The following SMAP1 variants were observed in gnomAD, a reference collection of about 807,000 sequenced individuals.
SMAP1 encodes the protein stromal membrane-associated protein 1.
Under a neutral mutation model 58.5 loss-of-function variants are expected in SMAP1, and 24 were observed. The ratio of observed to expected loss-of-function variants is 0.41; its 90% confidence interval spans 0.30 to 0.58. The LOEUF is 0.58. Among genes scored for constraint, SMAP1 ranks in the 20% least tolerant of loss-of-function variants. The pLI, the probability that SMAP1 is intolerant of heterozygous loss-of-function variation, is 0.29. For missense variants in SMAP1, 563 were observed against 566.3 expected, an observed-to-expected ratio of 0.99 and a Z score of 0.06; for synonymous variants, 216 against 196.6, an observed-to-expected ratio of 1.10 and a Z score of -0.82.
chr6:70,684,285 TGA>T (rs1766844608), intron 1 of SMAP1, among the ~76,000 whole-genome samples: 2 of 152,332 alleles, frequency 1.3e-5, no homozygotes, highest in Non-Finnish European at 2.9e-5. Flanking sequence ...TTTTTGTGTT[TGA>T]GAGAGATTGT....
At chr6:70,850,960 T>C (rs1771160975) in intron 7 of SMAP1, among the ~76,000 whole-genome samples, 1 of 152,136 alleles carries the variant, frequency 6.6e-6, no homozygotes, top group Admixed American at 6.5e-5. Context: ...CATGTATGAG[T>C]CTTAATTCTT....
chr6:70,694,331 TG>T lies in SMAP1; in HGVS notation c.118+26192del, dbSNP rs1035979775. ...ATCAGATTATATCTTGATCTCCTTC[TG>T]GCCATCCTGGCCCTGGTGCTGATCT... On this transcript the variant is annotated intron_variant, in intron 1 of 10. Transcript: ENST00000370455. 3 of 165,150 alleles carry T rather than the reference TG, an allele frequency of 1.8e-5. No homozygotes were observed. In the Admixed American group the frequency reaches 1.9e-4, roughly 11 times the overall value. 10.2% of individuals were successfully genotyped at this position (165,150 alleles called of 1,614,324 possible). A position where few individuals can be genotyped will look rare whatever the true frequency, so the allele number is the denominator to read the frequency against.
chr6:70,711,522 TC>T (rs1221407149), intron 1 of SMAP1, among the ~76,000 whole-genome samples: 1 of 151,308 alleles, frequency 6.6e-6, no homozygotes, highest in African/African-American at 2.4e-5. Context: ...ATTTATTAGC[TC>T]TTTTTTTTTT....
intron 3 of SMAP1, among the ~76,000 whole-genome samples, chr6:70,759,239 C>G (rs1199393509): frequency 1.3e-5 from 2 of 152,092 alleles, no homozygotes; most frequent in African/African-American, 4.8e-5. Flanking sequence ...TTGTTACCAG[C>G]TGCTTGCTGG....
At chr6:70,803,883 C>T (rs139577942) in intron 6 of SMAP1, among the ~76,000 whole-genome samples, 3 of 152,290 alleles carry the variant, frequency 2.0e-5, no homozygotes, top group Non-Finnish European at 2.9e-5. Flanking sequence ...TGTTCTTTTA[C>T]GTTTGCTGAG....
chr6:70,686,712 G>A (rs1766950366), intron 1 of SMAP1, among the ~76,000 whole-genome samples: 2 of 152,156 alleles, frequency 1.3e-5, no homozygotes, highest in Admixed American at 1.3e-4. Flanking sequence ...CGAAGTGGTG[G>A]TTTTATAACA....
intron 5 of SMAP1, among the ~76,000 whole-genome samples, chr6:70,794,615 A>G (rs1336321834): frequency 1.3e-5 from 2 of 151,880 alleles, no homozygotes; most frequent in African/African-American, 4.8e-5. Flanking sequence ...AAGTGATATC[A>G]TTGTTCAGTT....
intron 1 of SMAP1, among the ~76,000 whole-genome samples, chr6:70,701,181 AG>A (rs1252546879): frequency 6.6e-6 from 1 of 152,144 alleles, no homozygotes; most frequent in African/African-American, 2.4e-5. Context: ...CCTAGGCTCA[AG>A]CAATCCTTCT....
intron 5 of SMAP1, among the ~76,000 whole-genome samples, chr6:70,793,356 C>T (rs1409158702): frequency 6.6e-6 from 1 of 151,958 alleles, no homozygotes; most frequent in Admixed American, 6.6e-5. Context: ...TTTGAGAGGT[C>T]TTAAGAAGGT....
Position 70,743,676 on chromosome 6 carries a change from A to G in SMAP1, c.252+11165A>G, listed in dbSNP as rs528664844. Among the ~76,000 whole-genome samples the G allele has an allele frequency of 6.0e-4, 91 of 152,334 alleles. 1 individual carries two copies. Among genetic ancestry groups the G allele is most frequent in the African/African-American group, 2.2e-3 (91 of 41,596 alleles). On this transcript the variant is annotated intron_variant, in intron 2 of 10. Coordinates refer to ENST00000370455, the MANE Select transcript of SMAP1 (RefSeq NM_001044305.3). ...TCATTATAATTTGATCAAGCTAACA[A>G]CATTTCTCAAATTAGGGCCTCAGGT...
At chr6:70,675,872 A>G (rs1766462577) in intron 1 of SMAP1, among the ~76,000 whole-genome samples, 1 of 152,180 alleles carries the variant, frequency 6.6e-6, no homozygotes, top group South Asian at 2.1e-4. Flanking sequence ...TGAGTCTGTC[A>G]TTGTGCCTAA....
intron 7 of SMAP1, among the ~76,000 whole-genome samples, chr6:70,846,448 A>G (rs998275496): frequency 1.3e-5 from 2 of 152,146 alleles, no homozygotes; most frequent in African/African-American, 2.4e-5. Context: ...AGGCTTCTGG[A>G]GTACTGGGGC....
intron 1 of SMAP1, among the ~76,000 whole-genome samples, chr6:70,698,506 T>C (rs1422371769): frequency 6.6e-6 from 1 of 152,238 alleles, no homozygotes; most frequent in East Asian, 1.9e-4. Flanking sequence ...ACCTCCTTGT[T>C]AGGTTAATGA....
chr6:70,804,039 T>A (rs1768997673), intron 6 of SMAP1, among the ~76,000 whole-genome samples: 1 of 152,214 alleles, frequency 6.6e-6, no homozygotes, highest in African/African-American at 2.4e-5. Flanking sequence ...GTCCTGGATA[T>A]CTTTGTTAAC....
At chr6:70,783,009 G>A (rs561125409) in intron 4 of SMAP1, among the ~76,000 whole-genome samples, 8 of 152,132 alleles carry the variant, frequency 5.3e-5, no homozygotes, top group Non-Finnish European at 1.2e-4. Context: ...CCTGACCCTC[G>A]AGCAGCCTAA....
intron 4 of SMAP1, among the ~76,000 whole-genome samples, chr6:70,785,549 C>T (rs932848624): frequency 2.0e-4 from 30 of 151,976 alleles, no homozygotes; most frequent in African/African-American, 4.3e-4. Flanking sequence ...ATTGATAGAC[C>T]GCTAGCAGGA....
intron 4 of SMAP1, among the ~76,000 whole-genome samples, chr6:70,779,187 G>A (rs1004540820): frequency 6.6e-6 from 1 of 152,334 alleles, no homozygotes; most frequent in South Asian, 2.1e-4. Context: ...TCTCCAGGGT[G>A]TAGGCTTCTG....
At chr6:70,788,831 G>A (rs778815140) in intron 4 of SMAP1, among the ~76,000 whole-genome samples, 1 of 152,160 alleles carries the variant, frequency 6.6e-6, no homozygotes, top group Non-Finnish European at 1.5e-5. Flanking sequence ...AACTATTCAG[G>A]CCTTCTAAGC....
intron 3 of SMAP1, among the ~76,000 whole-genome samples, chr6:70,766,947 T>C (rs1582141601): frequency 6.6e-6 from 1 of 152,220 alleles, no homozygotes; most frequent in South Asian, 2.1e-4. Context: ...AGGGATCCAG[T>C]TTCAGCTTTC....
Sources: gnomAD v4.1 joint callset for allele counts (sites outside exome capture counted in the v4.1 genomes callset) on GRCh38, gnomAD v4.1.1 for gene constraint, MANE v1.5 for transcripts, NCBI Gene and HGNC (gene_info 2026-07-23, HGNC 2026-07-21) for gene names.